The following TBCK variants were observed in gnomAD, a reference collection of about 807,000 sequenced individuals.
TBCK encodes TBC domain-containing protein kinase-like protein.
Under a neutral mutation model 113.4 loss-of-function variants are expected in TBCK, and 99 were observed. That is an observed-to-expected ratio of 0.87 (90% confidence interval 0.74 to 1.03). TBCK has a LOEUF of 1.03. Among genes scored for constraint, TBCK ranks in the 50% least tolerant of loss-of-function variants. TBCK has a pLI of 0.00. For missense variants in TBCK, 1,045 were observed against 1,061.3 expected, an observed-to-expected ratio of 0.98 and a Z score of 0.21; for synonymous variants, 369 against 370.8, an observed-to-expected ratio of 1.00 and a Z score of 0.05.
At chr4:106,097,676 AC>A (rs1201961477) in intron 24 of TBCK, among the ~76,000 whole-genome samples, 7 of 152,144 alleles carry the variant, frequency 4.6e-5, no homozygotes, top group African/African-American at 1.7e-4. Context: ...CCCATGTGAC[AC>A]AGACAGCATT....
chr4:106,142,576 C>T (rs1747259814), intron 23 of TBCK, among the ~76,000 whole-genome samples: 2 of 152,166 alleles, frequency 1.3e-5, no homozygotes, highest in South Asian at 4.1e-4. Context: ...AGTAGACTCA[C>T]TGAATCCTTT....
chr4:106,120,670 G>A (rs1454855109), intron 23 of TBCK, among the ~76,000 whole-genome samples: 1 of 152,196 alleles, frequency 6.6e-6, no homozygotes, highest in East Asian at 1.9e-4. Context: ...TGACCCCCGA[G>A]CAGCCTAACT....
intron 3 of TBCK, among the ~76,000 whole-genome samples, chr4:106,293,064 C>A (rs894360775): frequency 2.6e-5 from 4 of 152,160 alleles, no homozygotes; most frequent in African/African-American, 9.7e-5. Context: ...TACTTCCCAA[C>A]CACAAAGGAC....
intron 23 of TBCK, among the ~76,000 whole-genome samples, chr4:106,154,313 T>A (rs76228931): frequency 6.6e-6 from 1 of 152,176 alleles, no homozygotes; most frequent in East Asian, 1.9e-4. Context: ...ACTGTTTGCA[T>A]AGAACAAATG....
At chr4:106,302,354 A>G (rs1209571243) in intron 2 of TBCK, among the ~76,000 whole-genome samples, 1 of 152,210 alleles carries the variant, frequency 6.6e-6, no homozygotes, top group African/African-American at 2.4e-5. Flanking sequence ...TAAGCGGATC[A>G]GTTCCCACCC....
chr4:106,278,336 T>C (rs1208885955), intron 3 of TBCK, among the ~76,000 whole-genome samples: 2 of 152,010 alleles, frequency 1.3e-5, no homozygotes, highest in Non-Finnish European at 2.9e-5. Flanking sequence ...GGCAGGTGGA[T>C]TGCCTGAACT....
At chr4:106,054,678 A>G (rs1288805482) in intron 25 of TBCK, among the ~76,000 whole-genome samples, 1 of 151,726 alleles carries the variant, frequency 6.6e-6, no homozygotes, top group African/African-American at 2.4e-5. Context: ...TTGCTCTAAT[A>G]TATGTTGAAT....
intron 23 of TBCK, among the ~76,000 whole-genome samples, chr4:106,167,978 A>C (rs1750585317): frequency 6.6e-6 from 1 of 151,892 alleles, no homozygotes; most frequent in Admixed American, 6.6e-5. Flanking sequence ...GGACAGAAGC[A>C]AAACGAATAT....
intron 3 of TBCK, among the ~76,000 whole-genome samples, chr4:106,272,697 G>A (rs191996200): frequency 5.9e-5 from 9 of 151,374 alleles, no homozygotes; most frequent in Admixed American, 2.0e-4. Flanking sequence ...GGGTTTCACC[G>A]TGTTAGCCAG....
chr4:106,061,992 A>G (rs1041111994), intron 25 of TBCK, among the ~76,000 whole-genome samples: 1 of 151,790 alleles, frequency 6.6e-6, no homozygotes, highest in African/African-American at 2.4e-5. Flanking sequence ...AAAAAATGGC[A>G]TTTATGTGGA....
At chr4:106,192,957 G>C (rs1464411356) in intron 22 of TBCK, among the ~76,000 whole-genome samples, 1 of 152,060 alleles carries the variant, frequency 6.6e-6, no homozygotes, top group Admixed American at 6.6e-5. Context: ...CAAAAATATA[G>C]ATTTAGTTAC....
intron 25 of TBCK, among the ~76,000 whole-genome samples, chr4:106,062,140 T>C (rs574037234): frequency 1.3e-5 from 2 of 152,052 alleles, no homozygotes; most frequent in African/African-American, 4.8e-5. Context: ...ATATGGCAAT[T>C]AGGATCTTCC....
chr4:106,290,937 T>C (rs1365916696), intron 3 of TBCK, among the ~76,000 whole-genome samples: 1 of 152,188 alleles, frequency 6.6e-6, no homozygotes, highest in Non-Finnish European at 1.5e-5. Context: ...GCTGAGGCAG[T>C]GATGCTAGCG....
intron 23 of TBCK, among the ~76,000 whole-genome samples, chr4:106,157,688 G>A (rs1192687599): frequency 6.6e-6 from 1 of 152,092 alleles, no homozygotes; most frequent in African/African-American, 2.4e-5. Flanking sequence ...GGTGGTATTG[G>A]TGATTCAAGA....
intron 22 of TBCK, among the ~76,000 whole-genome samples, chr4:106,190,726 A>G (rs1424008722): frequency 1.4e-5 from 2 of 146,636 alleles, no homozygotes; most frequent in Non-Finnish European, 2.9e-5. Flanking sequence ...AAACATATGA[A>G]GAAGAAGAAC....
chr4:106,248,439 C>T (rs1472571393), intron 8 of TBCK, 133 bp from the exon 9 acceptor site: 9 of 628,384 alleles, frequency 1.4e-5, no homozygotes, highest in Non-Finnish European at 2.1e-5. Context: ...AATTTAGTCA[C>T]TGTGAAAAAG....
intron 23 of TBCK, among the ~76,000 whole-genome samples, chr4:106,142,984 A>C (rs1003321116): frequency 6.6e-6 from 1 of 152,160 alleles, no homozygotes; most frequent in African/African-American, 2.4e-5. Flanking sequence ...CTTTGTTTCA[A>C]ATCAGTTCAG....
chr4:106,121,589 C>T (rs1169406349), intron 23 of TBCK, among the ~76,000 whole-genome samples: 2 of 151,828 alleles, frequency 1.3e-5, no homozygotes, highest in Non-Finnish European at 2.9e-5. Flanking sequence ...CAGCACCACA[C>T]CACACCTATT....
intron 25 of TBCK, among the ~76,000 whole-genome samples, chr4:106,056,729 T>C (rs748243305): frequency 3.3e-5 from 5 of 151,636 alleles, no homozygotes; most frequent in Admixed American, 1.3e-4. Flanking sequence ...TCAGTCAGTA[T>C]CATACAGAGA....
Sources: allele counts gnomAD v4.1 joint callset (sites outside exome capture counted in the v4.1 genomes callset), GRCh38; gene constraint gnomAD v4.1.1; transcripts MANE v1.5; gene names NCBI Gene and HGNC (gene_info 2026-07-23, HGNC 2026-07-21).